Variants in AP1AR observed in about 807,000 individuals in gnomAD.
AP1AR encodes the protein AP-1 complex-associated regulatory protein.
AP1AR carries 29 observed loss-of-function variants against 46.3 expected under a neutral mutation model. That is an observed-to-expected ratio of 0.63 (90% confidence interval 0.47 to 0.85). The LOEUF is 0.85. AP1AR is among the 40% of genes least tolerant of loss of function. The pLI is 0.00. For missense variants in AP1AR, 357 were observed against 356.3 expected, an observed-to-expected ratio of 1.00 and a Z score of -0.02; for synonymous variants, 122 against 122.9, an observed-to-expected ratio of 0.99 and a Z score of 0.05.
chr4:112,250,347 C>A (rs551173589), intron 1 of AP1AR, among the ~76,000 whole-genome samples: 2 of 152,306 alleles, frequency 1.3e-5, no homozygotes, highest in South Asian at 4.1e-4. Flanking sequence ...CTTAATAGCT[C>A]TCCGAAATCT....
chr4:112,253,664 T>A (rs992758294), intron 2 of AP1AR, among the ~76,000 whole-genome samples: 1 of 152,166 alleles, frequency 6.6e-6, no homozygotes, highest in Non-Finnish European at 1.5e-5. Context: ...AATATAATAA[T>A]AGAAACTACC....
Position 112,268,297 on chromosome 4 carries a change from G to A in AP1AR, c.797G>A (p.Ser266Asn). 1 of 1,613,216 alleles carries A rather than the reference G, an allele frequency of 6.2e-7. No individual in the cohort carries two copies. The highest frequency in any genetic ancestry group is 2.2e-5 in the East Asian group (1 of 44,858). Residue 266 changes from serine (S) to asparagine (N), a missense_variant, in exon 10 of 10, where the codon AGT becomes AAT. Ser to Asn is a conservative substitution (Grantham distance 46, BLOSUM62 1). Around this residue, in one of 2 missense-constraint regions of AP1AR, gnomAD observed 88 missense variants for 132.7 expected, o/e 0.66. Coordinates refer to ENST00000274000, the MANE Select transcript of AP1AR (RefSeq NM_018569.6). ...NGLEWENDFV[S>N]AEMDDNGNSE... ...CTGGAGTGGGAAAATGATTTTGTTA[G>A]TGCCGAAATGGATGATAATGGAAAT...
chr4:112,259,368 A>G (rs905693506), intron 4 of AP1AR, among the ~76,000 whole-genome samples: 1 of 152,168 alleles, frequency 6.6e-6, no homozygotes, highest in Non-Finnish European at 1.5e-5. Context: ...GCCACATACT[A>G]TATGACTTAC....
intron 4 of AP1AR, among the ~76,000 whole-genome samples, chr4:112,258,609 TGGTTAATG>T (rs1726305163): frequency 6.6e-6 from 1 of 152,198 alleles, no homozygotes; most frequent in Non-Finnish European, 1.5e-5. Flanking sequence ...GTTGAAAGGT[TGGTTAATG>T]CTAACTATCC....
In AP1AR at chr4:112,271,388, G is replaced by T. The variant is rs1030819792; in HGVS notation, c.*2979G>T. 4.6e-5 allele frequency among the ~76,000 whole-genome samples: 7 copies of T among 152,212 alleles called. No homozygotes were observed. Among genetic ancestry groups the T allele is most frequent in the African/African-American group, 1.7e-4 (7 of 41,454 alleles). Reference sequence around the variant, plus strand: ...TATAAAAATGTTTAGCTATAGTTTAGAGTTGGCTCCTCAACAGAGCTATTT... The same window carrying T: ...TATAAAAATGTTTAGCTATAGTTTATAGTTGGCTCCTCAACAGAGCTATTT... On this transcript the variant is annotated 3_prime_UTR_variant, in exon 10 of 10. Coordinates refer to ENST00000274000, the MANE Select transcript of AP1AR (RefSeq NM_018569.6).
chr4:112,246,070 C>T (rs980029254), intron 1 of AP1AR, among the ~76,000 whole-genome samples: 24 of 151,898 alleles, frequency 1.6e-4, no homozygotes, highest in African/African-American at 5.6e-4. Flanking sequence ...ATGATGCTGC[C>T]CTATATACGT....
intron 1 of AP1AR, among the ~76,000 whole-genome samples, chr4:112,245,753 TCTC>T (rs1725702290): frequency 6.6e-6 from 1 of 152,198 alleles, no homozygotes; most frequent in African/African-American, 2.4e-5. Flanking sequence ...CTCTCTTTGC[TCTC>T]CATTATATTA....
At chr4:112,243,381 T>G (rs1227379931) in intron 1 of AP1AR, among the ~76,000 whole-genome samples, 1 of 152,250 alleles carries the variant, frequency 6.6e-6, no homozygotes, top group Non-Finnish European at 1.5e-5. Flanking sequence ...TGTTTTCCAG[T>G]CCGTCTCCCA....
intron 1 of AP1AR, among the ~76,000 whole-genome samples, chr4:112,249,688 A>C (rs1272285822): frequency 6.6e-6 from 1 of 151,974 alleles, no homozygotes; most frequent in Non-Finnish European, 1.5e-5. Context: ...TTTTTTATAG[A>C]TTTAGGGGGT....
At chr4:112,235,375 T>G (rs1725195787) in intron 1 of AP1AR, among the ~76,000 whole-genome samples, 2 of 152,248 alleles carry the variant, frequency 1.3e-5, no homozygotes, top group South Asian at 4.1e-4. Context: ...CTAGTTTTTA[T>G]AGAAAGGTAA....
At chr4:112,259,318 GAACAAGAGC>G (rs1726340239) in intron 4 of AP1AR, among the ~76,000 whole-genome samples, 1 of 152,274 alleles carries the variant, frequency 6.6e-6, no homozygotes, top group Non-Finnish European at 1.5e-5. Flanking sequence ...CAGTAGTTAA[GAACAAGAGC>G]TACACTACCT....
At chr4:112,260,723 A>T in intron 4 of AP1AR, 43 bp from the exon 5 acceptor site, 1 of 1,316,340 alleles carries the variant, frequency 7.6e-7, no homozygotes, top group Non-Finnish European at 1.0e-6. Context: ...ACTCATCAGA[A>T]GTTTTTGTTT....
chr4:112,254,912 G>T, intron 3 of AP1AR, 139 bp downstream of exon 3: 2 of 435,262 alleles, frequency 4.6e-6, no homozygotes, highest in Non-Finnish European at 7.8e-6. Flanking sequence ...TTACTTTTTA[G>T]TTCTTTATTA....
chr4:112,253,357 G>T, intron 2 of AP1AR, 101 bp downstream of exon 2: 2 of 820,260 alleles, frequency 2.4e-6, no homozygotes, highest in Non-Finnish European at 4.1e-6. Flanking sequence ...ATTTAGAATG[G>T]ACTGTTTATA....
At chr4:112,247,934 A>G (rs1725792460) in intron 1 of AP1AR, among the ~76,000 whole-genome samples, 1 of 152,238 alleles carries the variant, frequency 6.6e-6, no homozygotes, top group African/African-American at 2.4e-5. Flanking sequence ...AGGCTGACAT[A>G]AATATCCTAA....
Position 112,239,006 on chromosome 4 carries a change from C to A in AP1AR, c.83+6832C>A, listed in dbSNP as rs186818403. ...AACCATATCAAGTTCTTTCCTGTTA[C>A]TCACCCTTTAAACCCAGGTTATCAA... On this transcript the variant is annotated intron_variant, in intron 1 of 9. Coordinates refer to ENST00000274000, the MANE Select transcript of AP1AR (RefSeq NM_018569.6). 9.8e-5 allele frequency among the ~76,000 whole-genome samples: 15 copies of A among 152,288 alleles called. No individual in the cohort carries two copies. The East Asian group carries it at 2.7e-3, about 27-fold the overall frequency.
chr4:112,245,577 C>T (rs1173424946), intron 1 of AP1AR, among the ~76,000 whole-genome samples: 1 of 152,200 alleles, frequency 6.6e-6, no homozygotes, highest in Non-Finnish European at 1.5e-5. Context: ...TTCAGTTGCT[C>T]AATAGCCCCT....
In AP1AR at chr4:112,265,822, G is replaced by C. The variant is rs775874218; in HGVS notation, c.514+15G>C. On this transcript the variant is annotated intron_variant, in intron 8 of 9. Transcript: ENST00000274000. Reference sequence around the variant, plus strand: ...TCGAAGTAGTAGTAAGTTTTTTAAAGTATTTTCTGTACTTTTTATGCCACA... The same window carrying C: ...TCGAAGTAGTAGTAAGTTTTTTAAACTATTTTCTGTACTTTTTATGCCACA... 14 of 1,536,388 alleles carry C rather than the reference G, an allele frequency of 9.1e-6. No individual in the cohort carries two copies. The highest frequency in any genetic ancestry group is 1.3e-5 in the Non-Finnish European group (14 of 1,114,734).
intron 1 of AP1AR, among the ~76,000 whole-genome samples, chr4:112,237,468 T>C (rs1725295539): frequency 6.6e-6 from 1 of 150,506 alleles, no homozygotes; most frequent in Non-Finnish European, 1.5e-5. Flanking sequence ...TTTATTTTTA[T>C]TTTTTTTGAG....
Sources: allele counts gnomAD v4.1 joint callset (sites outside exome capture counted in the v4.1 genomes callset), GRCh38; gene constraint gnomAD v4.1.1; regional missense constraint gnomAD v4.1.1; transcripts MANE v1.5; gene names NCBI Gene and HGNC (gene_info 2026-07-23, HGNC 2026-07-21).